CNDP1: variants seen among roughly 807,000 people sequenced by gnomAD.
CNDP1 encodes the protein carnosine dipeptidase 1.
In CNDP1, 44 loss-of-function variants were observed where a neutral mutation model predicts 58.1. The ratio of observed to expected loss-of-function variants is 0.76; its 90% CI spans 0.60 to 0.97. The LOEUF (loss-of-function observed/expected upper bound fraction) is 0.97, where lower values mean the gene tolerates loss of function less well. CNDP1 is among the 50% of genes least tolerant of loss of function. The probability of loss-of-function intolerance (pLI) is 0.00; values close to 1 mark genes in which losing one functional copy is unlikely to be tolerated. For missense variants in CNDP1, 616 were observed against 655.1 expected (o/e 0.94, Z 0.65); for synonymous variants, 254 against 252.6 (o/e 1.01, Z -0.05).
At chr18:74,542,955 G>A (rs12964208) in intron 1 of CNDP1, among the ~76,000 whole-genome samples, 80,435 of 152,220 alleles carry the variant, frequency 0.53, 22,135 homozygotes, top group African/African-American at 0.68. Flanking sequence ...TAAAATGACT[G>A]TCATTCAAGT....
rs903593024 is a variant in CNDP1, at chr18:74,577,225, C to G, written c.1002+196C>G. The stretch of plus-strand genomic sequence containing the variant: ...TCAACCAGTCCTTTTTCAATGGCGT[C>G]TAATTGGCACTGGCTTCTGGCACTT... On this transcript the variant is annotated intron_variant, in intron 8 of 11. Coordinates refer to ENST00000358821, the MANE Select transcript of CNDP1 (RefSeq NM_032649.6). 3 of 419,952 alleles carry G rather than the reference C, an allele frequency of 7.1e-6. No individual in the cohort carries two copies. The South Asian group carries it at 1.8e-4, about 26-fold the overall frequency. The allele number at this position is 419,952 out of a possible 1,614,324, so 26.0% of individuals were successfully genotyped here. A position where few individuals can be genotyped will look rare whatever the true frequency, so the allele number is the denominator to read the frequency against.
intron 10 of CNDP1, among the ~76,000 whole-genome samples, chr18:74,583,169 G>C (rs142724978): frequency 1.3e-5 from 2 of 152,042 alleles, no homozygotes; most frequent in Non-Finnish European, 2.9e-5. Flanking sequence ...ACCATGCCCA[G>C]CTAATTTTTG....
chr18:74,561,116 G>C, intron 4 of CNDP1, 98 bp downstream of exon 4: 1 of 1,471,604 alleles, frequency 6.8e-7, no homozygotes, highest in South Asian at 1.2e-5. Context: ...GTCTCTCCCT[G>C]TCATTAAGAA....
intron 5 of CNDP1, among the ~76,000 whole-genome samples, chr18:74,564,492 A>C (rs1342221653): frequency 3.3e-5 from 5 of 152,254 alleles, no homozygotes. Context: ...CTGAAAAATA[A>C]CAGCTACTTG....
chr18:74,562,237 A>T (rs904928819), intron 5 of CNDP1, 102 bp downstream of exon 5: 1 of 951,730 alleles, frequency 1.1e-6, no homozygotes, highest in African/African-American at 1.6e-5. Flanking sequence ...TAGGTCACTT[A>T]CTCGCCCCAA....
At chr18:74,573,176 A>T (rs1429087454) in intron 7 of CNDP1, among the ~76,000 whole-genome samples, 3 of 151,774 alleles carry the variant, frequency 2.0e-5, no homozygotes, top group Non-Finnish European at 2.9e-5. Context: ...CTTTCTATGC[A>T]TCTATCCATC....
intron 11 of CNDP1, 106 bp from the exon 12 acceptor site, chr18:74,584,390 T>C: frequency 2.6e-6 from 2 of 770,604 alleles, no homozygotes; most frequent in South Asian, 3.1e-5. Flanking sequence ...ATAATTTAAA[T>C]GGAATTTATA....
At chr18:74,581,838 G>A (rs1319220159) in intron 10 of CNDP1, among the ~76,000 whole-genome samples, 2 of 152,246 alleles carry the variant, frequency 1.3e-5, no homozygotes, top group East Asian at 3.8e-4. Flanking sequence ...CCAAAGCTAG[G>A]TGGAAAAGCA....
At chr18:74,551,507 C>A (rs1980909591) in intron 1 of CNDP1, among the ~76,000 whole-genome samples, 1 of 152,038 alleles carries the variant, frequency 6.6e-6, no homozygotes, top group South Asian at 2.1e-4. Context: ...ACCTGGACAG[C>A]AAATTGACTA....
rs1472075451 is a variant in CNDP1, at chr18:74,562,260, G to GTACCA, written c.555+126_555+127insACCAT. On this transcript the variant is annotated intron_variant, in intron 5 of 11. Coordinates refer to ENST00000358821, the MANE Select transcript of CNDP1 (RefSeq NM_032649.6). The stretch of plus-strand genomic sequence containing the variant: ...TTACTCGCCCCAACAATCTTTGGAG[G>GTACCA]TGTGTGCGACAATGGTATCCATTTT... The GTACCA allele has an allele frequency of 9.2e-5, 74 of 805,152 alleles. No homozygotes were observed. In the African/African-American group the frequency reaches 1.2e-3, roughly 13 times the overall value. The allele number at this position is 805,152 out of a possible 1,614,324, so 49.9% of individuals were successfully genotyped here. A position where few individuals can be genotyped will look rare whatever the true frequency, so the allele number is the denominator to read the frequency against.
At chr18:74,583,880 A>G in intron 11 of CNDP1, 172 bp downstream of exon 11, 1 of 655,974 alleles carries the variant, frequency 1.5e-6, no homozygotes, top group South Asian at 2.0e-5. Context: ...GATGCCCTAG[A>G]TCAGGTGCCA....
rs369864743 is a variant in CNDP1, at chr18:74,556,172, A to G, written c.25-166A>G. 3.9e-5 allele frequency among the ~76,000 whole-genome samples: 6 copies of G among 152,248 alleles called. No individual in the cohort carries two copies. In the East Asian group the frequency reaches 7.7e-4, roughly 20 times the overall value. ...TTGGAAATAAAGTGTTTGGGGAAGG[A>G]CGTAGCAAAAAATACATGTTTGGTT... On this transcript the variant is annotated intron_variant, in intron 1 of 11. Coordinates refer to ENST00000358821, the MANE Select transcript of CNDP1 (RefSeq NM_032649.6).
intron 10 of CNDP1, among the ~76,000 whole-genome samples, chr18:74,583,114 C>T (rs1359150488): frequency 6.6e-6 from 1 of 152,198 alleles, no homozygotes; most frequent in African/African-American, 2.4e-5. Context: ...TCAAGCGATT[C>T]TCCTGCCTCA....
intron 10 of CNDP1, among the ~76,000 whole-genome samples, chr18:74,580,644 T>C (rs1981766207): frequency 1.3e-5 from 2 of 152,126 alleles, no homozygotes; most frequent in Non-Finnish European, 2.9e-5. Flanking sequence ...CTCATAGAAA[T>C]GTTGGCCAAC....
chr18:74,564,766 C>T (rs985644378), intron 5 of CNDP1, among the ~76,000 whole-genome samples: 10 of 152,258 alleles, frequency 6.6e-5, no homozygotes, highest in African/African-American at 2.2e-4. Flanking sequence ...GGGCACACAC[C>T]GAGCATTACC....
intron 1 of CNDP1, among the ~76,000 whole-genome samples, chr18:74,543,271 C>G (rs561409025): frequency 4.9e-4 from 75 of 152,292 alleles, no homozygotes; most frequent in African/African-American, 1.8e-3. Context: ...AGGCAGATCA[C>G]TTGAACCCAG....
chr18:74,540,575 T>C (rs773471007), intron 1 of CNDP1, among the ~76,000 whole-genome samples: 1 of 152,030 alleles, frequency 6.6e-6, no homozygotes, highest in Non-Finnish European at 1.5e-5. Flanking sequence ...GGAACCTCAG[T>C]GAGGATTGGA....
intron 5 of CNDP1, 114 bp from the exon 6 acceptor site, chr18:74,567,119 C>G (rs1981348592): frequency 2.5e-6 from 2 of 791,040 alleles, no homozygotes; most frequent in Non-Finnish European, 4.3e-6. Flanking sequence ...CCCCCTGGGT[C>G]CCTCCACAAC....
chr18:74,577,200 T>C (rs554104235), intron 8 of CNDP1, 171 bp downstream of exon 8: 23 of 538,524 alleles, frequency 4.3e-5, no homozygotes, highest in Non-Finnish European at 6.5e-5. Flanking sequence ...GTGGGCTGGA[T>C]CAACCAGTCC....
Sources: gnomAD v4.1 joint callset for allele counts (sites outside exome capture counted in the v4.1 genomes callset) on GRCh38, gnomAD v4.1.1 for gene constraint, MANE v1.5 for transcripts, NCBI Gene and HGNC (gene_info 2026-07-23, HGNC 2026-07-21) for gene names.